SLC41A3: variants seen among roughly 807,000 people sequenced by gnomAD.
SLC41A3 encodes the protein SLC41A1-like 2.
In SLC41A3, 44 loss-of-function variants were observed where a neutral mutation model predicts 45.4. That is an observed-to-expected ratio of 0.97 (90% CI 0.76 to 1.25). The LOEUF (loss-of-function observed/expected upper bound fraction) is 1.25. Among genes scored for constraint, SLC41A3 ranks in the 50% most tolerant of loss-of-function variants. The pLI is 0.00. For synonymous variants in SLC41A3, 256 were observed against 252.4 expected (o/e 1.01, Z -0.13); for missense variants, 550 against 600.6 (o/e 0.92, Z 0.88).
Position 126,093,231 on chromosome 3 carries a change from C to T in SLC41A3, c.-79+8198G>A, listed in dbSNP as rs138437029. ...TAAAAAAGAATGTAGAAATAATCAG[C>T]GAGTCAGGCTGCCAGATAGGGGAAA... On this transcript the variant is annotated intron_variant, in intron 1 of 9. Transcript: ENST00000508835. Among the ~76,000 whole-genome samples the T allele has an allele frequency of 5.6e-4, 85 of 152,238 alleles. No individual in the cohort carries two copies. The East Asian group carries it at 7.3e-3, about 13-fold the overall frequency.
At chr3:126,037,355 T>C (rs191894049) in intron 3 of SLC41A3, among the ~76,000 whole-genome samples, 9 of 152,334 alleles carry the variant, frequency 5.9e-5, no homozygotes, top group African/African-American at 1.2e-4. Context: ...AGGGAAAGTT[T>C]GGAACTTCGT....
chr3:126,063,746 G>A (rs1332583551), intron 2 of SLC41A3, among the ~76,000 whole-genome samples: 2 of 152,194 alleles, frequency 1.3e-5, no homozygotes, highest in Non-Finnish European at 2.9e-5. Flanking sequence ...GGTGGCCAAG[G>A]CCCTCATTTC....
At chr3:126,048,295 T>A (rs1417137533) in intron 3 of SLC41A3, among the ~76,000 whole-genome samples, 1 of 152,236 alleles carries the variant, frequency 6.6e-6, no homozygotes, top group Non-Finnish European at 1.5e-5. Context: ...TTTGCCCATT[T>A]TGTTTTGAGG....
intron 1 of SLC41A3, among the ~76,000 whole-genome samples, chr3:126,068,455 A>G (rs528437086): frequency 1.1e-4 from 16 of 152,342 alleles, no homozygotes; most frequent in Admixed American, 9.8e-4. Context: ...CAAAACATAC[A>G]GAAAAGCACA....
chr3:126,079,211 AACACACACACAC>A (rs63385862), intron 1 of SLC41A3, among the ~76,000 whole-genome samples: 2 of 54,990 alleles, frequency 3.6e-5, no homozygotes, highest in South Asian at 5.3e-4. Flanking sequence ...AGGTAAGGGA[AACACACACACAC>A]ACACACACAC....
chr3:126,056,982 C>A (rs927965765), intron 2 of SLC41A3: 2 of 1,034,346 alleles, frequency 1.9e-6, no homozygotes, highest in Non-Finnish European at 2.3e-6. Flanking sequence ...CACGTGGTGC[C>A]TGGCCTTGGT....
intron 2 of SLC41A3, among the ~76,000 whole-genome samples, chr3:126,059,362 G>A (rs1943935689): frequency 1.3e-5 from 2 of 151,676 alleles, no homozygotes; most frequent in South Asian, 2.1e-4. Context: ...CATAACAAGG[G>A]CACAGAGCAG....
At chr3:126,051,603 T>A (rs1943343317) in intron 2 of SLC41A3, among the ~76,000 whole-genome samples, 1 of 152,034 alleles carries the variant, frequency 6.6e-6, no homozygotes, top group African/African-American at 2.4e-5. Flanking sequence ...AGTAGAAAAA[T>A]CAATAACTTC....
At position 126,022,915 on chromosome 3, in the gene SLC41A3, T is replaced by G. The variant is rs774577338; in HGVS notation, c.616A>C (p.Ile206Leu). The G allele has an allele frequency of 6.2e-7, 1 of 1,614,140 alleles. No homozygotes were observed. Among genetic ancestry groups the G allele is most frequent in the Non-Finnish European group, 8.5e-7 (1 of 1,180,024 alleles). ...AFALGVLMVCIVIGARKLGVN... is the reference protein window; with the variant it reads ...AFALGVLMVCLVIGARKLGVN... ...CCGAGCTTTCGAGCACCAATCACTA[T>G]ACAGACCATCAGCACCCCTGCAGAG... The change falls in exon 6 of 11, where the codon ATA (isoleucine) becomes CTA (leucine). Residue 206 changes from isoleucine (I) to leucine (L), a missense_variant. Ile to Leu is a conservative substitution (Grantham distance 5, BLOSUM62 2). Transcript: ENST00000360370.
At chr3:126,018,438 G>A (rs181182211) in intron 6 of SLC41A3, among the ~76,000 whole-genome samples, 169 of 152,248 alleles carry the variant, frequency 1.1e-3, no homozygotes, top group Non-Finnish European at 1.8e-3. Context: ...TAAACTTGGC[G>A]AATCTCCCTG....
intron 2 of SLC41A3, chr3:126,056,384 C>T: frequency 6.2e-7 from 1 of 1,613,932 alleles, no homozygotes; most frequent in Non-Finnish European, 8.5e-7. Flanking sequence ...ACCAGGCCGG[C>T]TGTCATCATG....
chr3:126,065,583 C>A (rs1944308600), intron 2 of SLC41A3, among the ~76,000 whole-genome samples: 1 of 152,126 alleles, frequency 6.6e-6, no homozygotes, highest in South Asian at 2.1e-4. Context: ...GGAACACATC[C>A]CTAGTCTCTA....
chr3:126,012,528 T>C, intron 9 of SLC41A3, 87 bp downstream of exon 9: 4 of 1,559,024 alleles, frequency 2.6e-6, no homozygotes, highest in South Asian at 2.4e-5. Context: ...CAGGCATCCA[T>C]TGCTACAAAC....
In SLC41A3 at chr3:126,068,083, TGGCTCTCAG is replaced by T. The variant is rs766139361; in HGVS notation, c.128_136del (p.Pro43_Ser45del). 1 of 1,613,838 alleles carries T rather than the reference TGGCTCTCAG, an allele frequency of 6.2e-7. No homozygotes were observed. The stretch of plus-strand genomic sequence containing the variant: ...CTCCAGTGGCTTGGGGGTCACGCTT[TGGCTCTCAG>T]GGGCCCTGAGAGCTCCATCTTCTGA... On this transcript the variant is annotated inframe_deletion, in exon 2 of 11. Transcript: ENST00000360370.
At chr3:126,090,949 C>A (rs1945478076) in intron 1 of SLC41A3, among the ~76,000 whole-genome samples, 1 of 152,144 alleles carries the variant, frequency 6.6e-6, no homozygotes, top group South Asian at 2.1e-4. Flanking sequence ...TCTCTGGGAG[C>A]CTCTGCATGG....
chr3:126,023,820 T>G (rs1007369852), intron 5 of SLC41A3: 1 of 152,228 alleles, frequency 6.6e-6, no homozygotes, highest in African/African-American at 2.4e-5. Context: ...AGACTCTCAC[T>G]TGGTTCTCTA....
At chr3:126,013,265 A>AGATT (rs1365064471) in intron 8 of SLC41A3, among the ~76,000 whole-genome samples, 5 of 151,922 alleles carry the variant, frequency 3.3e-5, no homozygotes, top group African/African-American at 1.2e-4. Flanking sequence ...GACAGTGGAT[A>AGATT]AGAATGAGAG....
intron 3 of SLC41A3, among the ~76,000 whole-genome samples, chr3:126,039,326 A>G (rs1942423461): frequency 6.6e-6 from 1 of 152,242 alleles, no homozygotes; most frequent in South Asian, 2.1e-4. Flanking sequence ...GAAATAAATC[A>G]GGATTGCCCA....
At chr3:126,091,640 C>G (rs929292519) in intron 1 of SLC41A3, among the ~76,000 whole-genome samples, 4 of 152,094 alleles carry the variant, frequency 2.6e-5, no homozygotes, top group African/African-American at 9.7e-5. Context: ...TGTTTCTTAT[C>G]AGACTTAAAA....
Sources: gnomAD v4.1 joint callset for allele counts (sites outside exome capture counted in the v4.1 genomes callset) on GRCh38, gnomAD v4.1.1 for gene constraint, MANE v1.5 for transcripts, NCBI Gene and HGNC (gene_info 2026-07-23, HGNC 2026-07-21) for gene names.